The following ZNF618 variants were observed in gnomAD, a reference collection of about 807,000 sequenced individuals.
The protein encoded by ZNF618 is zinc finger protein 618.
Under a neutral mutation model 103.0 loss-of-function variants are expected in ZNF618, and 34 were observed. The observed-to-expected ratio is 0.33, with a 90% CI of 0.25 to 0.44. The LOEUF is 0.44. ZNF618 is among the 20% of genes least tolerant of loss of function. ZNF618 has a pLI of 1.00. For synonymous variants in ZNF618, 551 were observed against 542.2 expected, an observed-to-expected ratio of 1.02 and a Z score of -0.23; for missense variants, 1,059 against 1,295.4, an observed-to-expected ratio of 0.82 and a Z score of 2.80.
At chr9:114,019,974 T>C (rs1842942445) in intron 10 of ZNF618, among the ~76,000 whole-genome samples, 1 of 152,202 alleles carries the variant, frequency 6.6e-6, no homozygotes, top group African/African-American at 2.4e-5. Flanking sequence ...CTTGTAATTT[T>C]AGCTTTTTCA....
chr9:114,032,808 C>T, intron 12 of ZNF618, 80 bp downstream of exon 12: 2 of 1,305,422 alleles, frequency 1.5e-6, no homozygotes, highest in Non-Finnish European at 2.2e-6. Flanking sequence ...CGGCAGCATC[C>T]TGTGGGCTGG....
At chr9:113,995,199 C>G (rs536385672) in intron 3 of ZNF618, among the ~76,000 whole-genome samples, 3 of 151,602 alleles carry the variant, frequency 2.0e-5, no homozygotes, top group African/African-American at 2.4e-5. Context: ...CTGTTTCACA[C>G]TCATCACCAT....
At chr9:113,912,616 A>G (rs955567720) in intron 1 of ZNF618, among the ~76,000 whole-genome samples, 2 of 152,180 alleles carry the variant, frequency 1.3e-5, no homozygotes, top group Admixed American at 1.3e-4. Context: ...GTGTCAGTAA[A>G]TTGTTAAAGT....
At chr9:113,953,118 T>G (rs1030270365) in intron 1 of ZNF618, among the ~76,000 whole-genome samples, 1 of 152,196 alleles carries the variant, frequency 6.6e-6, no homozygotes, top group East Asian at 1.9e-4. Flanking sequence ...AAGATGACTT[T>G]CCCCAAGAGC....
chr9:113,876,641 C>T (rs1227800893), intron 1 of ZNF618, among the ~76,000 whole-genome samples: 4 of 151,904 alleles, frequency 2.6e-5, no homozygotes, highest in Admixed American at 6.5e-5. Context: ...GGGCCCCCAC[C>T]CAGCGCCCCC....
In ZNF618 at chr9:114,055,668, CTG is replaced by C. The variant is rs1036081791; in HGVS notation, c.*5505_*5506del. The C allele has an allele frequency of 5.5e-5, 8 of 146,604 alleles. No individual in the cohort carries two copies. The highest frequency in any genetic ancestry group is 3.5e-4 in the Admixed American group (5 of 14,430). The allele number at this position is 146,604 out of a possible 1,614,324, so 9.1% of individuals were successfully genotyped here. A position where few individuals can be genotyped will look rare whatever the true frequency, so the allele number is the denominator to read the frequency against. On this transcript the variant is annotated 3_prime_UTR_variant, in exon 15 of 15. Transcript: ENST00000374126. ...TAGGCAATACCATAGACACATCTGACTGTGTCTCTCTCTTTGAGTGCAAGAAA... is the reference window on the plus strand; with the variant it reads ...TAGGCAATACCATAGACACATCTGACTGTCTCTCTCTTTGAGTGCAAGAAA...
At chr9:113,975,426 T>A (rs1838383535) in intron 2 of ZNF618, among the ~76,000 whole-genome samples, 1 of 152,218 alleles carries the variant, frequency 6.6e-6, no homozygotes, top group African/African-American at 2.4e-5. Context: ...TTATATCTTC[T>A]TCTTGTTTAC....
chr9:114,048,020 C>T (rs1564346945), intron 14 of ZNF618, 26 bp downstream of exon 14: 12 of 1,544,838 alleles, frequency 7.8e-6, no homozygotes, highest in Non-Finnish European at 1.1e-5. Flanking sequence ...CAGGGCTGGA[C>T]CTGAGGGTCC....
intron 1 of ZNF618, among the ~76,000 whole-genome samples, chr9:113,887,641 G>T (rs932371148): frequency 2.0e-5 from 3 of 152,128 alleles, no homozygotes; most frequent in African/African-American, 7.2e-5. Context: ...AAGACCCAGA[G>T]GGCATCCTTT....
chr9:113,954,514 G>C (rs1836069704), intron 1 of ZNF618, among the ~76,000 whole-genome samples: 1 of 152,228 alleles, frequency 6.6e-6, no homozygotes, highest in Non-Finnish European at 1.5e-5. Context: ...CCACTGGATA[G>C]TGCAGAGCAT....
intron 2 of ZNF618, among the ~76,000 whole-genome samples, chr9:113,972,524 A>C (rs1455507005): frequency 6.6e-6 from 1 of 151,598 alleles, no homozygotes; most frequent in Non-Finnish European, 1.5e-5. Flanking sequence ...TCTGTGATGC[A>C]CTTACTCACC....
intron 1 of ZNF618, among the ~76,000 whole-genome samples, chr9:113,928,246 T>C (rs1332891191): frequency 1.3e-5 from 2 of 152,228 alleles, no homozygotes; most frequent in Non-Finnish European, 2.9e-5. Flanking sequence ...TGTATCTGAT[T>C]TCTTGTGTTT....
At chr9:113,924,370 C>T (rs1275472211) in intron 1 of ZNF618, among the ~76,000 whole-genome samples, 4 of 149,856 alleles carry the variant, frequency 2.7e-5, no homozygotes, top group East Asian at 1.9e-4. Context: ...GTGATGACCC[C>T]GTTCGATTTC....
rs565144232 is a variant in ZNF618 at position 114,056,481 on chromosome 9, T to C, written c.*6314T>C. 1.1e-4 allele frequency: 17 copies of C among 152,372 alleles called. No individual in the cohort carries two copies. Among genetic ancestry groups the C allele is most frequent in the African/African-American group, 3.8e-4 (16 of 41,590 alleles). 9.4% of individuals were successfully genotyped at this position (152,372 alleles called of 1,614,324 possible). The stretch of plus-strand genomic sequence containing the variant: ...AATTCTTGCAGCACTATTTCCCAGT[T>C]GGTTGATGCCAAGGCAAAAAGATAA... On this transcript the variant is annotated 3_prime_UTR_variant, in exon 15 of 15. Transcript: ENST00000374126.
At chr9:113,923,494 A>T (rs772571825) in intron 1 of ZNF618, among the ~76,000 whole-genome samples, 2 of 152,116 alleles carry the variant, frequency 1.3e-5, no homozygotes, top group Admixed American at 1.3e-4. Flanking sequence ...AAGAGTTTTT[A>T]TTATGAATGA....
chr9:113,996,361 A>G (rs867379332), intron 3 of ZNF618, among the ~76,000 whole-genome samples: 30 of 152,234 alleles, frequency 2.0e-4, no homozygotes, highest in Middle Eastern at 3.4e-3. Flanking sequence ...TTCTTCTCTC[A>G]TTCACCAGCT....
chr9:113,888,196 T>C (rs1476665295), intron 1 of ZNF618, among the ~76,000 whole-genome samples: 2 of 152,214 alleles, frequency 1.3e-5, no homozygotes, highest in African/African-American at 4.8e-5. Context: ...ACCATTCCCG[T>C]TGTACAGCTG....
chr9:113,889,498 C>T (rs76537081), intron 1 of ZNF618, among the ~76,000 whole-genome samples: 4,308 of 152,316 alleles, frequency 0.028, 93 homozygotes, highest in Middle Eastern at 0.058. Flanking sequence ...GACTTAGCCT[C>T]CAAAGTCATG....
At chr9:114,027,141 A>G (rs957839628) in intron 10 of ZNF618, among the ~76,000 whole-genome samples, 2 of 152,200 alleles carry the variant, frequency 1.3e-5, no homozygotes, top group South Asian at 2.1e-4. Flanking sequence ...GAGACAAGCA[A>G]TCACCTGGTG....
Sources: allele counts gnomAD v4.1 joint callset (sites outside exome capture counted in the v4.1 genomes callset), GRCh38; gene constraint gnomAD v4.1.1; transcripts MANE v1.5; gene names NCBI Gene and HGNC (gene_info 2026-07-23, HGNC 2026-07-21).